RPTOR: variants seen among roughly 807,000 people sequenced by gnomAD.
The protein encoded by RPTOR is regulatory associated protein of MTOR complex 1.
A neutral mutation model predicts 169.9 loss-of-function variants in RPTOR; 21 were observed. That is an observed-to-expected ratio of 0.12 (90% CI 0.09 to 0.18). The LOEUF is 0.18. RPTOR is among the 10% of genes least tolerant of loss of function. RPTOR has a pLI of 1.00. For missense variants in RPTOR, 1,133 were observed against 1,855.9 expected (o/e 0.61, Z 7.16); for synonymous variants, 732 against 753.2 (o/e 0.97, Z 0.46).
At chr17:80,672,004 T>C (rs2065825366) in intron 3 of RPTOR, among the ~76,000 whole-genome samples, 2 of 152,238 alleles carry the variant, frequency 1.3e-5, no homozygotes, top group Non-Finnish European at 2.9e-5. Flanking sequence ...CTATTGCTTC[T>C]TTTTAAAATA....
At chr17:80,553,219 T>C (rs1416814571) in intron 1 of RPTOR, among the ~76,000 whole-genome samples, 4 of 152,240 alleles carry the variant, frequency 2.6e-5, no homozygotes, top group Admixed American at 2.0e-4. Flanking sequence ...CACATCTTTT[T>C]CAGACTGTGT....
At chr17:80,884,707 C>T (rs915369899) in intron 16 of RPTOR, among the ~76,000 whole-genome samples, 1 of 152,218 alleles carries the variant, frequency 6.6e-6, no homozygotes, top group Non-Finnish European at 1.5e-5. Flanking sequence ...GCCCCCTCGT[C>T]TAACTCCTGC....
chr17:80,793,598 G>A (rs1306880231), intron 7 of RPTOR, among the ~76,000 whole-genome samples: 2 of 152,100 alleles, frequency 1.3e-5, no homozygotes, highest in Non-Finnish European at 2.9e-5. Context: ...ATCCTGGATG[G>A]CTGCTGTGTG....
intron 3 of RPTOR, among the ~76,000 whole-genome samples, chr17:80,698,370 G>A (rs779708158): frequency 1.3e-5 from 2 of 151,882 alleles, no homozygotes; most frequent in South Asian, 2.1e-4. Flanking sequence ...GGAGGATAGC[G>A]TGAAAAGTGA....
intron 3 of RPTOR, among the ~76,000 whole-genome samples, chr17:80,650,645 A>G (rs1043428175): frequency 6.6e-6 from 1 of 152,226 alleles, no homozygotes; most frequent in Non-Finnish European, 1.5e-5. Flanking sequence ...GAGTTAATGG[A>G]CAGAATAAAA....
intron 3 of RPTOR, among the ~76,000 whole-genome samples, chr17:80,686,783 C>T (rs183444067): frequency 6.6e-6 from 1 of 152,236 alleles, no homozygotes; most frequent in African/African-American, 2.4e-5. Context: ...TCCAGCCCCT[C>T]GCCCAGCTGT....
intron 7 of RPTOR, among the ~76,000 whole-genome samples, chr17:80,812,274 C>G (rs1472306834): frequency 2.0e-5 from 3 of 152,116 alleles, no homozygotes; most frequent in African/African-American, 4.8e-5. Context: ...TCCAAATCCT[C>G]TATCTCTGTC....
At chr17:80,818,103 C>T (rs1335990602) in intron 7 of RPTOR, among the ~76,000 whole-genome samples, 1 of 152,214 alleles carries the variant, frequency 6.6e-6, no homozygotes, top group Admixed American at 6.5e-5. Context: ...GCATCTGCCA[C>T]ATCTGTTGTT....
chr17:80,593,576 C>T (rs896944842), intron 1 of RPTOR: 1 of 154,378 alleles, frequency 6.5e-6, no homozygotes, highest in South Asian at 2.0e-4. Context: ...CAAAAGACTA[C>T]GTATACATGT....
In RPTOR at chr17:80,726,158, G is replaced by A. The variant is rs537329637; in HGVS notation, c.508-4402G>A. Among the ~76,000 whole-genome samples the A allele has an allele frequency of 4.6e-4, 70 of 152,312 alleles. No individual in the cohort carries two copies. Among genetic ancestry groups the A allele is most frequent in the Admixed American group, 1.6e-3 (25 of 15,298 alleles). ...TCCAAGCAGGCTTCCCAGAGCAGGC[G>A]GGGCTGGGAAAGCTGTTCTGTGGCG... On this transcript the variant is annotated intron_variant, in intron 4 of 33. Transcript: ENST00000306801. The surrounding 1 kb of genome is among the most constrained non-coding windows in gnomAD (Gnocchi z 4.5).
At chr17:80,824,378 A>G (rs2067416025) in intron 9 of RPTOR, among the ~76,000 whole-genome samples, 1 of 152,242 alleles carries the variant, frequency 6.6e-6, no homozygotes, top group East Asian at 1.9e-4. Flanking sequence ...TCACGAATCC[A>G]TGAATAACAG....
intron 25 of RPTOR, among the ~76,000 whole-genome samples, chr17:80,942,598 G>A (rs1274623799): frequency 2.0e-5 from 3 of 152,054 alleles, no homozygotes; most frequent in Non-Finnish European, 4.4e-5. Flanking sequence ...CCAGTCCTCT[G>A]TCCTCGGAAT....
chr17:80,738,536 A>T (rs563597126), intron 5 of RPTOR, among the ~76,000 whole-genome samples: 79 of 152,338 alleles, frequency 5.2e-4, no homozygotes, highest in African/African-American at 1.8e-3. Flanking sequence ...GACACGTGTC[A>T]TTAGCACAGG....
chr17:80,937,795 C>T (rs1048023636), intron 24 of RPTOR, among the ~76,000 whole-genome samples: 2 of 152,184 alleles, frequency 1.3e-5, no homozygotes, highest in Admixed American at 6.5e-5. Flanking sequence ...TCCTAGTTTC[C>T]CAGGGTGGGT....
At chr17:80,906,848 C>T (rs1328100393) in intron 20 of RPTOR, among the ~76,000 whole-genome samples, 1 of 152,104 alleles carries the variant, frequency 6.6e-6, no homozygotes, top group Admixed American at 6.6e-5. Context: ...CACTGCAACA[C>T]GCATTCCTCA....
chr17:80,651,756 G>C lies in RPTOR; in HGVS notation c.348+7946G>C, dbSNP rs187502110. Among the ~76,000 whole-genome samples the C allele has an allele frequency of 6.6e-6, 1 of 152,078 alleles. No homozygotes were observed. The highest frequency in any genetic ancestry group is 6.5e-5 in the Admixed American group (1 of 15,274). ...AAAATGGCCAGGCACGGTGGCTCAC[G>C]CCTGTAATCCCAGCACTTTGGGAGG... On this transcript the variant is annotated intron_variant, in intron 3 of 33. Transcript: ENST00000306801. The surrounding 1 kb of genome is among the most constrained non-coding windows in gnomAD (Gnocchi z 4.1).
intron 6 of RPTOR, chr17:80,773,731 C>T (rs918375993): frequency 2.1e-6 from 2 of 962,736 alleles, no homozygotes; most frequent in Non-Finnish European, 2.5e-6. Flanking sequence ...CAGGCAGGCG[C>T]TTGGGCAGGC....
intron 6 of RPTOR, among the ~76,000 whole-genome samples, chr17:80,763,458 A>T (rs1210818017): frequency 6.6e-6 from 1 of 152,238 alleles, no homozygotes; most frequent in East Asian, 1.9e-4. Flanking sequence ...TATACTGATG[A>T]TGACTGTGTG....
At chr17:80,939,818 C>A (rs1207006515) in intron 24 of RPTOR, among the ~76,000 whole-genome samples, 1 of 152,214 alleles carries the variant, frequency 6.6e-6, no homozygotes, top group African/African-American at 2.4e-5. Flanking sequence ...GCATTCGGTG[C>A]CCCCCTGCCC....
Sources: gnomAD v4.1 joint callset for allele counts (sites outside exome capture counted in the v4.1 genomes callset) on GRCh38, gnomAD v4.1.1 for gene constraint, Gnocchi (gnomAD v3.1) non-coding constraint, MANE v1.5 for transcripts, NCBI Gene and HGNC (gene_info 2026-07-23, HGNC 2026-07-21) for gene names.